The following COLEC10 variants were observed in gnomAD, a reference collection of about 807,000 sequenced individuals.
COLEC10 encodes the protein collectin-10.
In COLEC10, 22 loss-of-function variants were observed where a neutral mutation model predicts 28.4. The observed-to-expected ratio is 0.78, with a 90% CI of 0.55 to 1.11. The LOEUF is 1.11. COLEC10 is among the 50% of genes least tolerant of loss of function. The pLI is 0.00. For missense variants in COLEC10, 361 were observed against 344.1 expected, an observed-to-expected ratio of 1.05 and a Z score of -0.39; for synonymous variants, 125 against 116.1, an observed-to-expected ratio of 1.08 and a Z score of -0.49.
intron 3 of COLEC10, among the ~76,000 whole-genome samples, chr8:119,101,137 GA>G (rs1249331124): frequency 6.6e-6 from 1 of 152,118 alleles, no homozygotes; most frequent in African/African-American, 2.4e-5. Context: ...AGGCTTGGCA[GA>G]ACCTTAATAC....
At position 119,107,156 on chromosome 8, in the gene COLEC10, C is replaced by T. The variant is rs1410824887; in HGVS notation, c.*965C>T. 1.3e-5 allele frequency among the ~76,000 whole-genome samples: 2 copies of T among 152,192 alleles called. No homozygotes were observed. Among genetic ancestry groups the T allele is most frequent in the Non-Finnish European group, 2.9e-5 (2 of 68,016 alleles). ...TCTGGAAGCTTCAAAGTGCTACCAA[C>T]ATCATCTCCAGGCCCCCTCATCCTT... On this transcript the variant is annotated 3_prime_UTR_variant, in exon 6 of 6. Transcript: ENST00000332843.
intron 2 of COLEC10, among the ~76,000 whole-genome samples, chr8:119,061,667 C>A (rs1587029375): frequency 6.6e-6 from 1 of 151,814 alleles, no homozygotes; most frequent in Non-Finnish European, 1.5e-5. Flanking sequence ...TTTAGACTTA[C>A]AATGTCTCAA....
upstream of COLEC10, among the ~76,000 whole-genome samples, chr8:118,994,483 C>T (rs1302694059): frequency 4.6e-5 from 7 of 152,142 alleles, no homozygotes; most frequent in East Asian, 1.3e-3. Flanking sequence ...TGCTATGTGT[C>T]AGCCACTAGC....
At chr8:118,985,008 A>G in the COLEC10 span, among the ~76,000 whole-genome samples, 1 of 151,954 alleles carries the variant, frequency 6.6e-6, no homozygotes, top group African/African-American at 2.4e-5. Flanking sequence ...TAATTCAATC[A>G]TTTTCCAAGG....
intron 2 of COLEC10, among the ~76,000 whole-genome samples, chr8:119,038,100 T>C (rs917957191): frequency 9.9e-5 from 15 of 152,190 alleles, no homozygotes; most frequent in African/African-American, 2.9e-4. Context: ...AGCAAGAAAG[T>C]TGATTCTCGC....
At chr8:119,072,700 G>C (rs2465395) in intron 1 of COLEC10, among the ~76,000 whole-genome samples, 75,941 of 151,734 alleles carry the variant, frequency 0.5, 19,897 homozygotes, top group African/African-American at 0.66. Flanking sequence ...TTTACTTAAA[G>C]CCCCCTTGGT....
At position 119,102,886 on chromosome 8, in the gene COLEC10, G is replaced by T. The variant is rs74483004; in HGVS notation, c.346+485G>T. On this transcript the variant is annotated intron_variant, in intron 4 of 5. Coordinates refer to ENST00000332843, the MANE Select transcript of COLEC10 (RefSeq NM_006438.5). ...ATTCCCAGTGCTTTACACAGGGAAA[G>T]AAAGTAGATTGTACTTTGGTAATTT... 2.2e-4 allele frequency among the ~76,000 whole-genome samples: 33 copies of T among 152,292 alleles called. No individual in the cohort carries two copies. In the East Asian group the frequency reaches 6.4e-3, roughly 29 times the overall value.
chr8:119,066,987 G>T (rs1563732499), upstream of COLEC10, among the ~76,000 whole-genome samples: 3 of 152,142 alleles, frequency 2.0e-5, no homozygotes, highest in Admixed American at 2.0e-4. Flanking sequence ...TCAGCAGAAG[G>T]CATCTCTATC....
chr8:118,959,396 A>ATG, the COLEC10 span, among the ~76,000 whole-genome samples: 30 of 151,770 alleles, frequency 2.0e-4, no homozygotes, highest in South Asian at 6.1e-3. Flanking sequence ...TTCATTTGCT[A>ATG]GTTTTGTCTT....
chr8:119,046,007 G>A (rs1017716668), intron 2 of COLEC10, among the ~76,000 whole-genome samples: 2 of 152,154 alleles, frequency 1.3e-5, no homozygotes, highest in African/African-American at 4.8e-5. Flanking sequence ...ATGCATCTTT[G>A]CATTGTACTT....
At chr8:119,049,573 C>T (rs1814642494) in intron 2 of COLEC10, among the ~76,000 whole-genome samples, 2 of 151,882 alleles carry the variant, frequency 1.3e-5, no homozygotes, top group South Asian at 4.2e-4. Context: ...CACCACCACA[C>T]CCGGCTAATT....
chr8:119,090,859 C>G (rs947072811), intron 2 of COLEC10, among the ~76,000 whole-genome samples: 1 of 152,182 alleles, frequency 6.6e-6, no homozygotes, highest in Non-Finnish European at 1.5e-5. Context: ...CCTGGCCCTT[C>G]TCTAACCTTT....
intron 1 of COLEC10, among the ~76,000 whole-genome samples, chr8:118,998,736 A>G (rs117950236): frequency 0.042 from 6,224 of 148,838 alleles, 202 homozygotes; most frequent in East Asian, 0.16. Flanking sequence ...AGTCCCATCT[A>G]TTTGAGAGGC....
At chr8:119,006,626 C>T (rs947049185) in intron 1 of COLEC10, among the ~76,000 whole-genome samples, 1 of 152,032 alleles carries the variant, frequency 6.6e-6, no homozygotes, top group African/African-American at 2.4e-5. Flanking sequence ...TTTCTGGATC[C>T]TGGGCCCTGT....
chr8:119,057,564 G>A (rs930003429), intron 2 of COLEC10, among the ~76,000 whole-genome samples: 6 of 151,876 alleles, frequency 4.0e-5, no homozygotes, highest in African/African-American at 1.5e-4. Flanking sequence ...GTACTTCTCT[G>A]TCCCCTCAAC....
upstream of COLEC10, among the ~76,000 whole-genome samples, chr8:119,066,819 A>AG (rs1242129051): frequency 6.6e-6 from 1 of 152,244 alleles, no homozygotes; most frequent in Non-Finnish European, 1.5e-5. Context: ...AGTGTTCAAC[A>AG]GGCACAAGCA....
chr8:118,972,766 GTA>G, the COLEC10 span, among the ~76,000 whole-genome samples: 2 of 151,906 alleles, frequency 1.3e-5, no homozygotes, highest in Non-Finnish European at 2.9e-5. Context: ...TACTCCAGGT[GTA>G]TTAGTTCATT....
upstream of COLEC10, among the ~76,000 whole-genome samples, chr8:119,063,420 A>C (rs1441429435): frequency 6.6e-6 from 1 of 151,878 alleles, no homozygotes. Flanking sequence ...GGGGAGAAGC[A>C]CTCCTTGCCT....
At position 119,011,593 on chromosome 8, in the gene COLEC10, A is replaced by G. The variant is rs530259510; in HGVS notation, n.235+2040A>G. Among the ~76,000 whole-genome samples the G allele has an allele frequency of 4.8e-4, 72 of 151,044 alleles. 6 individuals are homozygous for G. The highest frequency in any genetic ancestry group is 1.8e-3 in the African/African-American group (71 of 40,546). Reference sequence around the variant, plus strand: ...AGACTTGACACTACTGAGTTTTCCAATCCATGATCATGGAATATTATTTAG... The same window carrying G: ...AGACTTGACACTACTGAGTTTTCCAGTCCATGATCATGGAATATTATTTAG... On this transcript the variant is annotated intron_variant and non_coding_transcript_variant, in intron 2 of 6. Coordinates refer to the COLEC10 transcript ENST00000521788.
Sources: allele counts gnomAD v4.1 joint callset (sites outside exome capture counted in the v4.1 genomes callset), GRCh38; gene constraint gnomAD v4.1.1; transcripts MANE v1.5; gene names NCBI Gene and HGNC (gene_info 2026-07-23, HGNC 2026-07-21).